The following WDR89 variants were observed in gnomAD, a reference collection of about 807,000 sequenced individuals.
WDR89 encodes WD repeat-containing protein 89.
WDR89 carries 17 observed loss-of-function variants against 29.1 expected under a neutral mutation model. The observed-to-expected ratio is 0.58, with a 90% confidence interval of 0.40 to 0.88. The LOEUF is 0.88. WDR89 is among the 40% of genes least tolerant of loss of function. The probability of loss-of-function intolerance (pLI) is 0.00; values close to 1 mark genes in which losing one functional copy is unlikely to be tolerated. For synonymous variants in WDR89, 138 were observed against 157.8 expected, an observed-to-expected ratio of 0.87 and a Z score of 0.94; for missense variants, 396 against 456.3, an observed-to-expected ratio of 0.87 and a Z score of 1.20.
chr14:63,613,591 C>A (rs1427660118), intron 2 of WDR89, among the ~76,000 whole-genome samples: 1 of 151,170 alleles, frequency 6.6e-6, no homozygotes, highest in Non-Finnish European at 1.5e-5. Context: ...GCAACCTCCA[C>A]CTCCTGGATT....
intron 2 of WDR89, among the ~76,000 whole-genome samples, chr14:63,622,198 G>T (rs1307449321): frequency 2.0e-5 from 3 of 152,210 alleles, no homozygotes; most frequent in Non-Finnish European, 4.4e-5. Flanking sequence ...ACTTTGGAAG[G>T]CCGAGGTGGG....
chr14:63,598,932 C>G lies in WDR89; in HGVS notation c.1011G>C (p.Leu337Phe), dbSNP rs780712409. Reference sequence around the variant, plus strand: ...ACAACTGTGCATCTTCTCCTCCAGTCAACAAAGAATCATCTTGCACATTCC... The same window carrying G: ...ACAACTGTGCATCTTCTCCTCCAGTGAACAAAGAATCATCTTGCACATTCC... ...FCWNVQDDSL[L>F]TGGEDAQLLL... Residue 337 changes from leucine (L) to phenylalanine (F), a missense_variant, in exon 3 of 3, where the codon TTG (leucine) becomes TTC (phenylalanine). Leu to Phe is a conservative substitution (Grantham distance 22). Transcript: ENST00000620954. 1.6e-5 allele frequency: 26 copies of G among 1,614,058 alleles called. 1 individual carries two copies. Among genetic ancestry groups the G allele is most frequent in the Admixed American group, 1.5e-4 (9 of 60,000 alleles).
At chr14:63,613,232 T>A (rs1882097335) in intron 2 of WDR89, among the ~76,000 whole-genome samples, 1 of 152,102 alleles carries the variant, frequency 6.6e-6, no homozygotes, top group Admixed American at 6.6e-5. Context: ...CATCAGTCAA[T>A]CAGCGGTGAA....
Position 63,599,868 on chromosome 14 carries a change from G to T in WDR89, c.75C>A (p.Tyr25Ter), listed in dbSNP as rs774900502. The change falls in exon 3 of 3, where the codon TAC (tyrosine) becomes TAA (stop). Residue 25 changes from tyrosine to a stop codon, truncating the protein, a stop_gained. Transcript: ENST00000620954. LOFTEE classifies it high-confidence loss of function. ...KCSLGTKEPT[Y>*]LLGIDTSKTV... ...TCTTTGATGTGTCTATACCAAGAAG[G>T]TAAGTGGGCTCTTTGGTTCCTAAGG... is the stretch of plus-strand genomic sequence containing the variant. 8 of 1,614,014 alleles carry T rather than the reference G, an allele frequency of 5.0e-6. No homozygotes were observed. The Admixed American group carries it at 6.7e-5, about 13-fold the overall frequency.
intron 2 of WDR89, among the ~76,000 whole-genome samples, chr14:63,622,516 G>A (rs1882766941): frequency 6.6e-6 from 1 of 152,210 alleles, no homozygotes; most frequent in Non-Finnish European, 1.5e-5. Context: ...AGGGGGTGGA[G>A]GTTGCAGTGA....
At chr14:63,631,122 T>TG (rs1282866243) in intron 1 of WDR89, among the ~76,000 whole-genome samples, 5 of 152,262 alleles carry the variant, frequency 3.3e-5, no homozygotes, top group African/African-American at 1.2e-4. Context: ...CACCACAAAG[T>TG]GATCAACATG....
At chr14:63,606,848 G>T (rs1895345419) in intron 2 of WDR89, among the ~76,000 whole-genome samples, 1 of 152,306 alleles carries the variant, frequency 6.6e-6, no homozygotes, top group African/African-American at 2.4e-5. Context: ...AGACTAATTT[G>T]CCCTTGCTCT....
intron 2 of WDR89, among the ~76,000 whole-genome samples, chr14:63,605,324 C>A (rs1050802850): frequency 6.6e-6 from 1 of 151,716 alleles, no homozygotes; most frequent in Non-Finnish European, 1.5e-5. Context: ...TGTGGTGATG[C>A]GTGTATAAAC....
intron 1 of WDR89, among the ~76,000 whole-genome samples, chr14:63,627,391 G>C (rs1458016272): frequency 6.6e-6 from 1 of 152,094 alleles, no homozygotes; most frequent in Non-Finnish European, 1.5e-5. Flanking sequence ...GGTCAAATTA[G>C]AGTATTGCCA....
Position 63,605,145 on chromosome 14 carries a change from GCTGT to G in WDR89, c.-31-5176_-31-5173del, listed in dbSNP as rs753195852. Among the ~76,000 whole-genome samples, 3 of 149,546 alleles carry G rather than the reference GCTGT, an allele frequency of 2.0e-5. No homozygotes were observed. In the East Asian group the frequency reaches 5.8e-4, roughly 29 times the overall value. On this transcript the variant is annotated intron_variant, in intron 2 of 2. Coordinates refer to ENST00000620954, the MANE Select transcript of WDR89 (RefSeq NM_080666.4). ...GCCTCGGCGACAGAGCAAGACACGTGCTGTCTGTCTCTCTCTCTCTCTATATATA... is the reference window on the plus strand; with the variant it reads ...GCCTCGGCGACAGAGCAAGACACGTGCTGTCTCTCTCTCTCTCTATATATA...
chr14:63,640,230 C>G (rs1884012901), intron 1 of WDR89, among the ~76,000 whole-genome samples: 1 of 152,174 alleles, frequency 6.6e-6, no homozygotes, highest in African/African-American at 2.4e-5. Flanking sequence ...GCAGTCCAGG[C>G]TCCACAAGAA....
At chr14:63,641,008 G>C (rs1480965301) in intron 1 of WDR89, among the ~76,000 whole-genome samples, 2 of 145,808 alleles carry the variant, frequency 1.4e-5, no homozygotes, top group South Asian at 4.4e-4. Flanking sequence ...TGAGGCTGGA[G>C]AATCGCTTGA....
intron 2 of WDR89, among the ~76,000 whole-genome samples, chr14:63,611,971 G>A (rs1018252757): frequency 2.0e-5 from 3 of 151,902 alleles, no homozygotes; most frequent in African/African-American, 4.8e-5. Context: ...CAAGTGATCC[G>A]CCCACCTCAG....
chr14:63,623,960 T>C (rs1882874973), intron 2 of WDR89, among the ~76,000 whole-genome samples: 1 of 151,996 alleles, frequency 6.6e-6, no homozygotes, highest in Non-Finnish European at 1.5e-5. Flanking sequence ...GTTTTACTAA[T>C]ATGAGACAAA....
chr14:63,641,717 G>A (rs1231875068), intron 1 of WDR89, 87 bp downstream of exon 1: 2 of 152,594 alleles, frequency 1.3e-5, no homozygotes, highest in African/African-American at 4.8e-5. Context: ...AGCAACTCTA[G>A]CTTTCTAGAC....
At chr14:63,622,672 C>T (rs1595031314) in intron 2 of WDR89, among the ~76,000 whole-genome samples, 1 of 150,074 alleles carries the variant, frequency 6.7e-6, no homozygotes, top group East Asian at 2.0e-4. Flanking sequence ...GAGGCTGAGG[C>T]ACAAGAATTG....
chr14:63,613,954 C>T (rs929504907), intron 2 of WDR89, among the ~76,000 whole-genome samples: 1 of 150,788 alleles, frequency 6.6e-6, no homozygotes, highest in Non-Finnish European at 1.5e-5. Context: ...CAGCCTATTA[C>T]TGAAATTTTA....
chr14:63,638,376 C>T (rs1883886375), intron 1 of WDR89, among the ~76,000 whole-genome samples: 1 of 152,176 alleles, frequency 6.6e-6, no homozygotes, highest in Non-Finnish European at 1.5e-5. Flanking sequence ...CAGTTGAGCC[C>T]AAGAGTTTGA....
intron 1 of WDR89, among the ~76,000 whole-genome samples, chr14:63,625,864 T>TC (rs1180967177): frequency 5.3e-5 from 8 of 152,168 alleles, no homozygotes; most frequent in Admixed American, 3.3e-4. Context: ...GAGGACTTTT[T>TC]TTTTTTTTTT....
Sources: gnomAD v4.1 joint callset for allele counts (sites outside exome capture counted in the v4.1 genomes callset) on GRCh38, gnomAD v4.1.1 for gene constraint, MANE v1.5 for transcripts, NCBI Gene and HGNC (gene_info 2026-07-23, HGNC 2026-07-21) for gene names.